The following AKR1C3 variants were observed in gnomAD, a reference collection of about 807,000 sequenced individuals.
AKR1C3 encodes 3-alpha hydroxysteroid dehydrogenase, type II.
In AKR1C3, 48 loss-of-function variants were observed where a neutral mutation model predicts 43.6. The ratio of observed to expected loss-of-function variants is 1.10; its 90% CI spans 0.87 to 1.40. The LOEUF (loss-of-function observed/expected upper bound fraction) is 1.40. Ranked by LOEUF, AKR1C3 falls within the 40% of genes most tolerant of loss-of-function variation. AKR1C3 has a pLI of 0.00. For missense variants in AKR1C3, 482 were observed against 391.2 expected (o/e 1.23, Z -1.96); for synonymous variants, 162 against 139.6 (o/e 1.16, Z -1.13).
intron 5 of AKR1C3, among the ~76,000 whole-genome samples, chr10:5,100,762 G>C (rs1228195972): frequency 6.6e-6 from 1 of 152,018 alleles, no homozygotes. Context: ...TTTAATATTA[G>C]TCCTTCAATT....
At chr10:5,057,035 T>A (rs1302250796) in intron 1 of AKR1C3, among the ~76,000 whole-genome samples, 2 of 152,156 alleles carry the variant, frequency 1.3e-5, no homozygotes, top group African/African-American at 2.4e-5. Context: ...GGTGAAGACA[T>A]GAGCTGACGC....
upstream of AKR1C3, among the ~76,000 whole-genome samples, chr10:5,093,075 A>G (rs1839130837): frequency 6.6e-6 from 1 of 151,916 alleles, no homozygotes; most frequent in Non-Finnish European, 1.5e-5. Flanking sequence ...TCCCCCAAAT[A>G]CCTACTGGCT....
chr10:5,067,362 G>T (rs927127142), intron 1 of AKR1C3, among the ~76,000 whole-genome samples: 1 of 152,112 alleles, frequency 6.6e-6, no homozygotes, highest in Non-Finnish European at 1.5e-5. Flanking sequence ...AAATTTCCCT[G>T]GTTAGTTTTA....
chr10:5,070,933 G>A (rs782564015), intron 1 of AKR1C3, among the ~76,000 whole-genome samples: 6 of 152,194 alleles, frequency 3.9e-5, no homozygotes, highest in Non-Finnish European at 7.3e-5. Flanking sequence ...AGGAGGCTTA[G>A]ACTTAACCAG....
At chr10:5,048,898 A>G (rs578210910) in intron 1 of AKR1C3, 26 of 1,611,702 alleles carry the variant, frequency 1.6e-5, no homozygotes, top group East Asian at 8.9e-5. Flanking sequence ...CTCCAGAGGT[A>G]ATAATAATGT....
chr10:5,083,645 A>G (rs1838886940), intron 1 of AKR1C3, among the ~76,000 whole-genome samples: 1 of 152,192 alleles, frequency 6.6e-6, no homozygotes, highest in Non-Finnish European at 1.5e-5. Context: ...TCCCTGAGCA[A>G]TCGCCACACT....
chr10:5,061,962 C>A (rs558176234), intron 1 of AKR1C3, among the ~76,000 whole-genome samples: 1 of 152,158 alleles, frequency 6.6e-6, no homozygotes, highest in Non-Finnish European at 1.5e-5. Context: ...TCCCAAAAAT[C>A]TTTTGGAAAC....
rs1387206701 is a variant in AKR1C3 at position 5,057,785 on chromosome 10, A to G, written c.84+8890A>G. ...TGTCCCTTTCTTCGGCTGTCATGCT[A>G]TCATTTACTGACTAAGATACCACAT... On this transcript the variant is annotated intron_variant, in intron 1 of 8. Transcript: ENST00000439082. Among the ~76,000 whole-genome samples, 7 of 152,286 alleles carry G rather than the reference A, an allele frequency of 4.6e-5. No homozygotes were observed. In the East Asian group the frequency reaches 7.7e-4, roughly 17 times the overall value.
At chr10:5,049,856 A>G (rs4596974) in intron 1 of AKR1C3, among the ~76,000 whole-genome samples, 2 of 152,270 alleles carry the variant, frequency 1.3e-5, no homozygotes, top group East Asian at 1.9e-4. Flanking sequence ...AGGACTATAT[A>G]TGTAACTATA....
At chr10:5,052,202 C>T (rs1838167976) in intron 1 of AKR1C3, among the ~76,000 whole-genome samples, 1 of 152,172 alleles carries the variant, frequency 6.6e-6, no homozygotes, top group African/African-American at 2.4e-5. Flanking sequence ...GGTGGCACGT[C>T]TGGAGTTGTT....
chr10:5,107,651 C>A lies in AKR1C3; in HGVS notation c.*148C>A. The A allele has an allele frequency of 1.7e-6, 1 of 586,822 alleles. No individual in the cohort carries two copies. Among genetic ancestry groups the A allele is most frequent in the Non-Finnish European group, 3.0e-6 (1 of 330,218 alleles). 36.4% of individuals were successfully genotyped at this position (586,822 alleles called of 1,614,324 possible). A position where few individuals can be genotyped will look rare whatever the true frequency, so the allele number is the denominator to read the frequency against. Reference sequence around the variant, plus strand: ...AGTCAACTACAGCTGAGTCCATAGGCCAGAAAGACAATAAATTTTTATCAT... The same window carrying A: ...AGTCAACTACAGCTGAGTCCATAGGACAGAAAGACAATAAATTTTTATCAT... On this transcript the variant is annotated 3_prime_UTR_variant, in exon 9 of 9. Transcript: ENST00000380554.
At chr10:5,078,212 T>A (rs1260950160) in intron 1 of AKR1C3, among the ~76,000 whole-genome samples, 3 of 152,128 alleles carry the variant, frequency 2.0e-5, no homozygotes, top group Non-Finnish European at 2.9e-5. Flanking sequence ...TCACTTGAGG[T>A]TGGGAGTTCG....
At chr10:5,051,632 T>C (rs1294257091) in intron 1 of AKR1C3, among the ~76,000 whole-genome samples, 2 of 151,632 alleles carry the variant, frequency 1.3e-5, no homozygotes, top group Non-Finnish European at 2.9e-5. Flanking sequence ...TTCTTCAGTC[T>C]TGCTGGACAC....
chr10:5,051,077 CTGTG>C (rs149368639), intron 1 of AKR1C3, among the ~76,000 whole-genome samples: 43 of 150,218 alleles, frequency 2.9e-4, no homozygotes, highest in Non-Finnish European at 5.4e-4. Flanking sequence ...GAAGATTTGA[CTGTG>C]TGTGTGTTTT....
chr10:5,107,645 C>T lies in AKR1C3; in HGVS notation c.*142C>T, dbSNP rs1387026084. The T allele has an allele frequency of 1.6e-5, 10 of 613,268 alleles. No individual in the cohort carries two copies. Among genetic ancestry groups the T allele is most frequent in the Non-Finnish European group, 2.6e-5 (9 of 346,070 alleles). 38.0% of individuals were successfully genotyped at this position (613,268 alleles called of 1,614,324 possible). A position where few individuals can be genotyped will look rare whatever the true frequency, so the allele number is the denominator to read the frequency against. On this transcript the variant is annotated 3_prime_UTR_variant, in exon 9 of 9. Coordinates refer to ENST00000380554, the MANE Select transcript of AKR1C3 (RefSeq NM_003739.6). ...GACTTCAGTCAACTACAGCTGAGTC[C>T]ATAGGCCAGAAAGACAATAAATTTT...
chr10:5,090,141 C>G (rs1554783941), upstream of AKR1C3, among the ~76,000 whole-genome samples: 1 of 152,118 alleles, frequency 6.6e-6, no homozygotes. Context: ...TCTGTTGTTT[C>G]AAGTGATGGG....
intron 1 of AKR1C3, among the ~76,000 whole-genome samples, chr10:5,066,731 AT>A (rs1241501127): frequency 1.3e-5 from 2 of 152,190 alleles, no homozygotes; most frequent in Non-Finnish European, 2.9e-5. Flanking sequence ...CCTTCACTGA[AT>A]TTCCATAATC....
intron 1 of AKR1C3, chr10:5,077,854 A>G (rs1464420644): frequency 3.7e-6 from 2 of 533,920 alleles, no homozygotes; most frequent in Non-Finnish European, 6.3e-6. Flanking sequence ...CTGTTCTCGG[A>G]GTTATTTCTA....
chr10:5,067,562 T>A (rs1554780903), intron 1 of AKR1C3, among the ~76,000 whole-genome samples: 1 of 152,156 alleles, frequency 6.6e-6, no homozygotes, highest in African/African-American at 2.4e-5. Context: ...TGTAGCATAA[T>A]AATCTACTGT....
Sources: allele counts gnomAD v4.1 joint callset (sites outside exome capture counted in the v4.1 genomes callset), GRCh38; gene constraint gnomAD v4.1.1; transcripts MANE v1.5; gene names NCBI Gene and HGNC (gene_info 2026-07-23, HGNC 2026-07-21).